The following ZSCAN5A variants were observed in gnomAD, a reference collection of about 807,000 sequenced individuals.
ZSCAN5A encodes the protein zinc finger and SCAN domain containing 5A.
Under a neutral mutation model 23.7 loss-of-function variants are expected in ZSCAN5A, and 12 were observed. That is an observed-to-expected ratio of 0.51 (90% CI 0.32 to 0.82). The LOEUF is 0.82. Ranked by LOEUF, ZSCAN5A falls within the 40% of genes least tolerant of loss-of-function variation. The probability of loss-of-function intolerance (pLI) is 0.03; values close to 1 mark genes in which losing one functional copy is unlikely to be tolerated. For synonymous variants in ZSCAN5A, 257 were observed against 239.9 expected (o/e 1.07, Z -0.66); for missense variants, 597 against 617.9 (o/e 0.97, Z 0.36).
chr19:56,324,907 A>G (rs984012645), intron 2 of ZSCAN5A, among the ~76,000 whole-genome samples: 14 of 152,220 alleles, frequency 9.2e-5, no homozygotes, highest in Non-Finnish European at 1.9e-4. Context: ...CAACCACAAA[A>G]AAAAGTTGAC....
chr19:56,287,640 CACTGTCAGGTATAATA>C (rs2039225878), intron 2 of ZSCAN5A, among the ~76,000 whole-genome samples: 1 of 152,148 alleles, frequency 6.6e-6, no homozygotes, highest in Non-Finnish European at 1.5e-5. Flanking sequence ...CGAATGTAGC[CACTGTCAGGTATAATA>C]ACGGCAGGGG....
At chr19:56,361,971 C>T (rs1385062978) in intron 2 of ZSCAN5A, among the ~76,000 whole-genome samples, 3 of 151,416 alleles carry the variant, frequency 2.0e-5, no homozygotes, top group Non-Finnish European at 4.4e-5. Flanking sequence ...TCCTGGCTAA[C>T]ACGGTGAAAC....
At chr19:56,239,553 G>A (rs1412134872) in intron 2 of ZSCAN5A, among the ~76,000 whole-genome samples, 1 of 152,164 alleles carries the variant, frequency 6.6e-6, no homozygotes. Flanking sequence ...GGGACCATGT[G>A]CCTTTCTCTG....
chr19:56,332,468 A>C (rs2147438427), intron 2 of ZSCAN5A, among the ~76,000 whole-genome samples: 1 of 152,298 alleles, frequency 6.6e-6, no homozygotes, highest in South Asian at 2.1e-4. Context: ...GTCTGATCTA[A>C]GAATATCTAC....
intron 2 of ZSCAN5A, among the ~76,000 whole-genome samples, chr19:56,242,929 C>T (rs537098939): frequency 1.3e-5 from 2 of 152,150 alleles, no homozygotes; most frequent in South Asian, 4.2e-4. Context: ...CAGGCACGTG[C>T]CACCATGCCC....
chr19:56,333,059 A>C (rs1274916352), intron 2 of ZSCAN5A, among the ~76,000 whole-genome samples: 1 of 151,712 alleles, frequency 6.6e-6, no homozygotes, highest in African/African-American at 2.4e-5. Flanking sequence ...TTTGTGCATA[A>C]TCTAACATTT....
chr19:56,243,894 G>T, intron 2 of ZSCAN5A: 1 of 497,562 alleles, frequency 2.0e-6, no homozygotes, highest in Non-Finnish European at 3.6e-6. Flanking sequence ...TAGAAACTTT[G>T]ATCGGGCTCA....
intron 2 of ZSCAN5A, among the ~76,000 whole-genome samples, chr19:56,276,452 A>G (rs1440955481): frequency 2.0e-5 from 3 of 151,008 alleles, no homozygotes; most frequent in Non-Finnish European, 4.4e-5. Flanking sequence ...TGCAAACTTC[A>G]TGGTCTTAGG....
intron 2 of ZSCAN5A, among the ~76,000 whole-genome samples, chr19:56,233,899 G>A (rs1387819942): frequency 6.6e-6 from 1 of 152,046 alleles, no homozygotes; most frequent in South Asian, 2.1e-4. Flanking sequence ...CTTCCAAGCT[G>A]GCAGAAAAGG....
chr19:56,279,262 A>G (rs933300713), intron 2 of ZSCAN5A, among the ~76,000 whole-genome samples: 2 of 152,094 alleles, frequency 1.3e-5, no homozygotes, highest in African/African-American at 2.4e-5. Context: ...TCCAAGTCAC[A>G]TGGAAGGGAA....
At chr19:56,331,747 C>T (rs992368980) in intron 2 of ZSCAN5A, among the ~76,000 whole-genome samples, 9 of 151,634 alleles carry the variant, frequency 5.9e-5, no homozygotes, top group African/African-American at 2.2e-4. Context: ...GCCATCATGC[C>T]CGGCTAATTT....
intron 2 of ZSCAN5A, among the ~76,000 whole-genome samples, chr19:56,242,243 G>A (rs1209468518): frequency 6.6e-6 from 1 of 152,140 alleles, no homozygotes; most frequent in African/African-American, 2.4e-5. Flanking sequence ...GCAGGCGTGA[G>A]GGGTGCCTTG....
At chr19:56,337,935 T>G (rs562203531) in intron 2 of ZSCAN5A, among the ~76,000 whole-genome samples, 139 of 152,382 alleles carry the variant, frequency 9.1e-4, no homozygotes, top group African/African-American at 3.3e-3. Flanking sequence ...ATTTCGTGGC[T>G]TTTTAATTTG....
intron 2 of ZSCAN5A, among the ~76,000 whole-genome samples, chr19:56,254,570 T>C (rs1220304090): frequency 2.7e-4 from 41 of 152,036 alleles, no homozygotes; most frequent in Non-Finnish European, 7.4e-5. Flanking sequence ...AACATAGGAG[T>C]ATGAGTTCCT....
At chr19:56,307,772 T>A (rs2040794164) in intron 2 of ZSCAN5A, among the ~76,000 whole-genome samples, 1 of 152,202 alleles carries the variant, frequency 6.6e-6, no homozygotes, top group Non-Finnish European at 1.5e-5. Flanking sequence ...TGAATAAAAA[T>A]TTCAGTCCAT....
chr19:56,284,297 T>G (rs569461650), intron 2 of ZSCAN5A: 2 of 380,068 alleles, frequency 5.3e-6, no homozygotes, highest in Non-Finnish European at 7.2e-6. Context: ...CTGGGTTAGA[T>G]TGTGTGTATT....
At chr19:56,291,144 C>A (rs1039513031) in intron 2 of ZSCAN5A, among the ~76,000 whole-genome samples, 1 of 152,072 alleles carries the variant, frequency 6.6e-6, no homozygotes, top group Non-Finnish European at 1.5e-5. Context: ...GACCGTTGCC[C>A]CAGAAGACAA....
intron 2 of ZSCAN5A, among the ~76,000 whole-genome samples, chr19:56,333,643 A>G (rs942660587): frequency 2.6e-5 from 4 of 152,026 alleles, no homozygotes; most frequent in African/African-American, 9.7e-5. Context: ...TTCTCTTAGT[A>G]AACAATAATA....
chr19:56,259,509 C>T (rs2036967093), intron 2 of ZSCAN5A, among the ~76,000 whole-genome samples: 1 of 152,160 alleles, frequency 6.6e-6, no homozygotes. Flanking sequence ...GTCCTCTCTG[C>T]CCCTTTTGTT....
Sources: gnomAD v4.1 joint callset for allele counts (sites outside exome capture counted in the v4.1 genomes callset) on GRCh38, gnomAD v4.1.1 for gene constraint, MANE v1.5 for transcripts, NCBI Gene and HGNC (gene_info 2026-07-23, HGNC 2026-07-21) for gene names.